Variants in GFI1 observed in about 807,000 individuals in gnomAD.
GFI1 encodes zinc finger protein Gfi-1.
In GFI1, 15 loss-of-function variants were observed where a neutral mutation model predicts 39.2. That is an observed-to-expected ratio of 0.38 (90% CI 0.26 to 0.59). The LOEUF is 0.59. Ranked by LOEUF, GFI1 falls within the 20% of genes least tolerant of loss-of-function variation. GFI1 has a pLI of 0.62. For missense variants in GFI1, 475 were observed against 574.0 expected (o/e 0.83, Z 1.76); for synonymous variants, 239 against 254.3 (o/e 0.94, Z 0.57).
rs1257922632 is a variant in GFI1 at position 92,474,000 on chromosome 1, G to T, written c.*2029C>A. On this transcript the variant is annotated 3_prime_UTR_variant, in exon 7 of 7. Coordinates refer to ENST00000294702, the MANE Select transcript of GFI1 (RefSeq NM_005263.5). ...TTGAGTTGGAAATGGGCAATCTGCT[G>T]GTTCTCACCATGGGGCATGCATACC... is the stretch of plus-strand genomic sequence containing the variant. Among the ~76,000 whole-genome samples the T allele has an allele frequency of 1.3e-5, 2 of 152,224 alleles. No individual in the cohort carries two copies. The highest frequency in any genetic ancestry group is 2.4e-5 in the African/African-American group (1 of 41,458).
At chr1:92,476,582 G>T (rs187902904) in intron 6 of GFI1, among the ~76,000 whole-genome samples, 84 of 152,344 alleles carry the variant, frequency 5.5e-4, no homozygotes, top group African/African-American at 1.9e-3. Flanking sequence ...AGGAAGGGGA[G>T]GGGGAAGCTG....
chr1:92,477,111 C>A lies in GFI1; in HGVS notation c.1091-904G>T, dbSNP rs553860899. On this transcript the variant is annotated intron_variant, in intron 6 of 6. Coordinates refer to ENST00000294702, the MANE Select transcript of GFI1 (RefSeq NM_005263.5). ...ATAGATGAAGTTTGTTTTTGAGGAA[C>A]CCTCTGTCCTCCTTGCTAAAAACTC... 3.9e-5 allele frequency among the ~76,000 whole-genome samples: 6 copies of A among 152,310 alleles called. No homozygotes were observed. In the South Asian group the frequency reaches 1.2e-3, roughly 32 times the overall value.
At position 92,480,009 on chromosome 1, in the gene GFI1, T is replaced by C. The variant is rs1207767616; in HGVS notation, c.924+339A>G. On this transcript the variant is annotated intron_variant, in intron 5 of 6. Coordinates refer to ENST00000294702, the MANE Select transcript of GFI1 (RefSeq NM_005263.5). This position sits in a 1 kb window ranked among gnomAD's most constrained non-coding sequence, Gnocchi z 5.6. ...AGTGACAACCATTTGGTGAAAAGAA[T>C]AGGCACAAAGAAACAGAGCTAGTAA... Among the ~76,000 whole-genome samples the C allele has an allele frequency of 1.3e-5, 2 of 152,008 alleles. No individual in the cohort carries two copies. The highest frequency in any genetic ancestry group is 2.1e-4 in the South Asian group (1 of 4,822).
chr1:92,483,439 G>C lies in GFI1; in HGVS notation c.49C>G (p.Gln17Glu), dbSNP rs750251158. The C allele has an allele frequency of 8.7e-5, 140 of 1,613,290 alleles. No individual in the cohort carries two copies. The highest frequency in any genetic ancestry group is 1.0e-4 in the Non-Finnish European group (122 of 1,179,428). The change falls in exon 2 of 7, where the codon CAG (glutamine) becomes GAG (glutamate). Residue 17 changes from glutamine (Q) to glutamate (E), a missense_variant. This residue lies in a region of GFI1 where 275 missense variants were observed against 275.8 expected (regional missense o/e 1.00). Transcript: ENST00000294702. ...TAGTCTGGTCCTGGGGAGCGCGGCT[G>C]GTGGTAGCTGTGAGCCTTCTTGCTT... ...VKSKKAHSYHQPRSPGPDYSL... is the reference protein window; with the variant it reads ...VKSKKAHSYHEPRSPGPDYSL...
Position 92,476,519 on chromosome 1 carries a change from G to A in GFI1, c.1091-312C>T, listed in dbSNP as rs143524473. On this transcript the variant is annotated intron_variant, in intron 6 of 6. Coordinates refer to ENST00000294702, the MANE Select transcript of GFI1 (RefSeq NM_005263.5). Reference sequence around the variant, plus strand: ...TGCCCTCCCCAGCTGAATCTACCCCGGGAGGACTCCCCTGACTTTATAAGC... The same window carrying A: ...TGCCCTCCCCAGCTGAATCTACCCCAGGAGGACTCCCCTGACTTTATAAGC... 4.8e-3 allele frequency among the ~76,000 whole-genome samples: 730 copies of A among 152,276 alleles called. 7 individuals are homozygous for A. The highest frequency in any genetic ancestry group is 0.019 in the South Asian group (92 of 4,826).
At chr1:92,477,894 A>G (rs1658041263) in intron 6 of GFI1, among the ~76,000 whole-genome samples, 1 of 152,174 alleles carries the variant, frequency 6.6e-6, no homozygotes, top group Non-Finnish European at 1.5e-5. Flanking sequence ...ATAAAATACA[A>G]TAAACAGTGG....
rs913886007 is a variant in GFI1, at chr1:92,486,836, GCGT to G, written c.-213_-211del. 6.6e-6 allele frequency: 1 copy of G among 152,122 alleles called. No individual in the cohort carries two copies. The highest frequency in any genetic ancestry group is 2.4e-5 in the African/African-American group (1 of 41,450). The allele number at this position is 152,122 out of a possible 1,614,324, so 9.4% of individuals were successfully genotyped here. On this transcript the variant is annotated 5_prime_UTR_variant, in exon 1 of 7. Coordinates refer to ENST00000294702, the MANE Select transcript of GFI1 (RefSeq NM_005263.5). ...CCCCGGCGGAGAGGGCCCTGGCGGCGCGTCCCGCGGGCGCCCGGCGGGACCGGT... is the reference window on the plus strand; with the variant it reads ...CCCCGGCGGAGAGGGCCCTGGCGGCGCCCGCGGGCGCCCGGCGGGACCGGT...
At chr1:92,485,331 A>G (rs1372864737) in intron 1 of GFI1, among the ~76,000 whole-genome samples, 1 of 152,236 alleles carries the variant, frequency 6.6e-6, no homozygotes, top group Non-Finnish European at 1.5e-5. Context: ...TCGGAAGAAA[A>G]GAAAAACGGA....
At position 92,483,409 on chromosome 1, in the gene GFI1, G is replaced by A. The variant is rs1658376438; in HGVS notation, c.79C>T (p.Leu27Phe). 61 of 1,612,874 alleles carry A rather than the reference G, an allele frequency of 3.8e-5. No individual in the cohort carries two copies. Among genetic ancestry groups the A allele is most frequent in the Non-Finnish European group, 5.2e-5 (61 of 1,178,928 alleles). The change falls in exon 2 of 7, where the codon CTC (leucine) becomes TTC (phenylalanine). Residue 27 changes from leucine (L) to phenylalanine (F), a missense_variant. Around this residue, in one of 4 missense-constraint regions of GFI1, gnomAD observed 275 missense variants for 275.8 expected, o/e 1.00. Coordinates refer to ENST00000294702, the MANE Select transcript of GFI1 (RefSeq NM_005263.5). ...QPRSPGPDYS[L>F]RLENVPAPSR... ...GGCGCCGGTACATTCTCTAAACGGA[G>A]GGAATAGTCTGGTCCTGGGGAGCGC...
rs1571222093 is a variant in GFI1, at chr1:92,484,202, A to T, written c.-99-616T>A. On this transcript the variant is annotated intron_variant, in intron 1 of 6. Coordinates refer to ENST00000294702, the MANE Select transcript of GFI1 (RefSeq NM_005263.5). The surrounding 1 kb of genome is among the most constrained non-coding windows in gnomAD (Gnocchi z 4.1). Reference sequence around the variant, plus strand: ...GGGGACAGCAGAGGCCAGAGAAAGGAGGTGGGAGAGCAAAGGGACAGGAAA... The same window carrying T: ...GGGGACAGCAGAGGCCAGAGAAAGGTGGTGGGAGAGCAAAGGGACAGGAAA... Among the ~76,000 whole-genome samples, 1 of 152,120 alleles carries T rather than the reference A, an allele frequency of 6.6e-6. No individual in the cohort carries two copies. Among genetic ancestry groups the T allele is most frequent in the Non-Finnish European group, 1.5e-5 (1 of 68,022 alleles).
Position 92,476,159 on chromosome 1 carries a change from C to G in GFI1, c.1139G>C (p.Ser380Thr). ...CQVCGKAFSQ[S>T]SNLITHSRKH... ...GCGGCTGTGGGTGATGAGGTTGGAG[C>G]TCTGGCTGAATGCCTTGCCGCACAC... Residue 380 changes from serine to threonine, a missense_variant, in exon 7 of 7, where the codon AGC becomes ACC. Transcript: ENST00000294702. The G allele has an allele frequency of 1.2e-6, 2 of 1,613,964 alleles. No individual in the cohort carries two copies.
rs779880700 is a variant in GFI1 at position 92,476,223 on chromosome 1, G to C, written c.1091-16C>G. 1 of 1,606,032 alleles carries C rather than the reference G, an allele frequency of 6.2e-7. No individual in the cohort carries two copies. The highest frequency in any genetic ancestry group is 1.7e-4 in the Middle Eastern group (1 of 6,050). On this transcript the variant is annotated splice_polypyrimidine_tract_variant and intron_variant, in intron 6 of 6. Coordinates refer to ENST00000294702, the MANE Select transcript of GFI1 (RefSeq NM_005263.5). ...GGCTTCTCACCTGTGGGGATGGGAG[G>C]GGGAGGGGAGAAAGTATGAGTCTAT... is the stretch of plus-strand genomic sequence containing the variant.
In GFI1 at chr1:92,480,844, C is replaced by T. The variant is rs1234103988; in HGVS notation, c.543G>A (p.Ala181=). 6.8e-7 allele frequency: 1 copy of T among 1,480,200 alleles called. No homozygotes were observed. Among genetic ancestry groups the T allele is most frequent in the South Asian group, 1.3e-5 (1 of 74,832 alleles). 91.7% of individuals were successfully genotyped at this position (1,480,200 alleles called of 1,614,324 possible). The part of the protein sequence containing the change: ...KRAAGGAGAG[A]PGSCSAGAGA... ...CGGCCCCTGCGCTGCAGCTCCCTGGCGCCCCGGCCCCCGCGCCGCCGGCAG... is the reference window on the plus strand; with the variant it reads ...CGGCCCCTGCGCTGCAGCTCCCTGGTGCCCCGGCCCCCGCGCCGCCGGCAG... The change falls in exon 4 of 7, where the codon GCG becomes GCA. Residue 181 remains alanine (A), a synonymous_variant. Coordinates refer to ENST00000294702, the MANE Select transcript of GFI1 (RefSeq NM_005263.5). The surrounding 1 kb of genome is among the most constrained non-coding windows in gnomAD (Gnocchi z 5.6).
rs1657860116 is a variant in GFI1 at position 92,474,366 on chromosome 1, G to C, written c.*1663C>G. Among the ~76,000 whole-genome samples, 1 of 152,202 alleles carries C rather than the reference G, an allele frequency of 6.6e-6. No homozygotes were observed. The highest frequency in any genetic ancestry group is 2.4e-5 in the African/African-American group (1 of 41,446). ...CAAGTCACATGATGTGTTGGTGACAGAGCTGTGACTAAAACTAAAACCTAG... is the reference window on the plus strand; with the variant it reads ...CAAGTCACATGATGTGTTGGTGACACAGCTGTGACTAAAACTAAAACCTAG... On this transcript the variant is annotated 3_prime_UTR_variant, in exon 7 of 7. Coordinates refer to ENST00000294702, the MANE Select transcript of GFI1 (RefSeq NM_005263.5).
At position 92,480,380 on chromosome 1, in the gene GFI1, T is replaced by C; in HGVS notation, c.892A>G (p.Ser298Gly). The C allele has an allele frequency of 6.5e-7, 1 of 1,550,214 alleles. No individual in the cohort carries two copies. The highest frequency in any genetic ancestry group is 8.7e-7 in the Non-Finnish European group (1 of 1,146,658). Residue 298 changes from serine to glycine, a missense_variant, in exon 5 of 7, where the codon AGC becomes GGC. Transcript: ENST00000294702. This position sits in a 1 kb window ranked among gnomAD's most constrained non-coding sequence, Gnocchi z 5.6. ...MCGKTFGHAV[S>G]LEQHKAVHSQ... ...TGCACGGCTTTGTGCTGCTCCAGGC[T>C]CACCGCGTGCCCGAAGGTCTTGCCG... is the stretch of plus-strand genomic sequence containing the variant.
chr1:92,481,092 T>A lies in GFI1; in HGVS notation c.299-4A>T, dbSNP rs1221676527. Reference sequence around the variant, plus strand: ...GGGCACATTGACTTCTCCGAGGCTGTGGAGGCACAAGGGGAGCGTCCGGTC... The same window carrying A: ...GGGCACATTGACTTCTCCGAGGCTGAGGAGGCACAAGGGGAGCGTCCGGTC... On this transcript the variant is annotated splice_polypyrimidine_tract_variant and splice_region_variant and intron_variant, in intron 3 of 6. Coordinates refer to ENST00000294702, the MANE Select transcript of GFI1 (RefSeq NM_005263.5). The surrounding 1 kb of genome is among the most constrained non-coding windows in gnomAD (Gnocchi z 4.3). The A allele has an allele frequency of 1.1e-5, 18 of 1,609,856 alleles. No homozygotes were observed. Among genetic ancestry groups the A allele is most frequent in the Non-Finnish European group, 1.5e-5 (18 of 1,177,942 alleles).
chr1:92,475,982 G>T lies in GFI1; in HGVS notation c.*47C>A. On this transcript the variant is annotated 3_prime_UTR_variant, in exon 7 of 7. Transcript: ENST00000294702. ...CAGAGTGGTGGCAAGCAGGGAGGCTGCCCTCTGTAGTGTTGTGTAGCTGCT... is the reference window on the plus strand; with the variant it reads ...CAGAGTGGTGGCAAGCAGGGAGGCTTCCCTCTGTAGTGTTGTGTAGCTGCT... 1 of 1,568,990 alleles carries T rather than the reference G, an allele frequency of 6.4e-7. No individual in the cohort carries two copies. Among genetic ancestry groups the T allele is most frequent in the Non-Finnish European group, 8.7e-7 (1 of 1,143,238 alleles).
rs565901117 is a variant in GFI1 at position 92,476,312 on chromosome 1, T to C, written c.1091-105A>G. The stretch of plus-strand genomic sequence containing the variant: ...TTGGCAGCAGCTGGTTGCACCACAG[T>C]CTAAGGCCTTCAAGCAACTTGGAGG... On this transcript the variant is annotated intron_variant, in intron 6 of 6. Coordinates refer to ENST00000294702, the MANE Select transcript of GFI1 (RefSeq NM_005263.5). 1.0e-4 allele frequency: 108 copies of C among 1,058,578 alleles called. 2 individuals are homozygous for C. The South Asian group carries it at 1.2e-3, about 12-fold the overall frequency. The allele number at this position is 1,058,578 out of a possible 1,614,324, so 65.6% of individuals were successfully genotyped here.
rs1657822150 is a variant in GFI1, at chr1:92,473,513, A to G, written c.*2516T>C. ...CATCATCCATCAGTTCTGAAAAACT[A>G]TCTTAAACTCCATTACAGAGTAAAC... On this transcript the variant is annotated 3_prime_UTR_variant, in exon 7 of 7. Coordinates refer to ENST00000294702, the MANE Select transcript of GFI1 (RefSeq NM_005263.5). Among the ~76,000 whole-genome samples, 1 of 152,250 alleles carries G rather than the reference A, an allele frequency of 6.6e-6. No homozygotes were observed. Among genetic ancestry groups the G allele is most frequent in the African/African-American group, 2.4e-5 (1 of 41,460 alleles).
Sources: gnomAD v4.1 joint callset for allele counts (sites outside exome capture counted in the v4.1 genomes callset) on GRCh38, gnomAD v4.1.1 for gene constraint, gnomAD v4.1.1 regional missense constraint, Gnocchi (gnomAD v3.1) non-coding constraint, MANE v1.5 for transcripts, NCBI Gene and HGNC (gene_info 2026-07-23, HGNC 2026-07-21) for gene names.